Variants in TLL1 observed in about 807,000 individuals in gnomAD.
The protein encoded by TLL1 is tolloid-like protein 1.
In TLL1, 49 loss-of-function variants were observed where a neutral mutation model predicts 128.2. That is an observed-to-expected ratio of 0.38 (90% CI 0.30 to 0.48). The LOEUF (loss-of-function observed/expected upper bound fraction) is 0.48, where lower values mean the gene tolerates loss of function less well. TLL1 is among the 20% of genes least tolerant of loss of function. TLL1 has a pLI of 0.96. For synonymous variants in TLL1, 454 were observed against 418.8 expected, an observed-to-expected ratio of 1.08 and a Z score of -1.03; for missense variants, 1,123 against 1,242.0, an observed-to-expected ratio of 0.90 and a Z score of 1.44.
chr4:166,091,084 G>A (rs1553969381), intron 18 of TLL1, 44 bp from the exon 19 acceptor site: 2 of 1,421,504 alleles, frequency 1.4e-6, no homozygotes, highest in Non-Finnish European at 9.4e-7. Context: ...CATTTTGAGT[G>A]ATTTGTTTTT....
intron 19 of TLL1, among the ~76,000 whole-genome samples, chr4:166,096,142 T>C (rs909302349): frequency 2.0e-5 from 3 of 151,180 alleles, no homozygotes; most frequent in African/African-American, 7.4e-5. Flanking sequence ...CACACCTCTT[T>C]TGCATATAGC....
intron 18 of TLL1, among the ~76,000 whole-genome samples, chr4:166,082,263 A>C (rs1440132635): frequency 6.6e-6 from 1 of 152,154 alleles, no homozygotes; most frequent in African/African-American, 2.4e-5. Context: ...ATCCTATCCC[A>C]TGGATCATAT....
In TLL1 at chr4:166,057,313, T is replaced by A; in HGVS notation, c.1846+4T>A. The stretch of plus-strand genomic sequence containing the variant: ...CCAGACAGAAGGAGCTGTGAAGGTA[T>A]GACTGCACTCCTTCCTGGACCCCCA... On this transcript the variant is annotated splice_donor_region_variant and intron_variant, in intron 14 of 20. Transcript: ENST00000061240. 1 of 1,613,782 alleles carries A rather than the reference T, an allele frequency of 6.2e-7. No individual in the cohort carries two copies. The highest frequency in any genetic ancestry group is 1.1e-5 in the South Asian group (1 of 91,070).
intron 16 of TLL1, among the ~76,000 whole-genome samples, chr4:166,070,306 T>C (rs994866437): frequency 6.6e-6 from 1 of 151,910 alleles, no homozygotes; most frequent in East Asian, 1.9e-4. Flanking sequence ...GAGTTGAGCA[T>C]AACAGAAATA....
chr4:166,052,965 G>GTGTATGTATATATATATATATATATA, intron 12 of TLL1, among the ~76,000 whole-genome samples: 2 of 99,646 alleles, frequency 2.0e-5, no homozygotes, highest in Non-Finnish European at 4.3e-5. Context: ...GAGGTTATGT[G>GTGTATGTATATATATATATATATATA]TATATATATA....
intron 16 of TLL1, among the ~76,000 whole-genome samples, chr4:166,067,809 A>G (rs1286381652): frequency 6.6e-6 from 1 of 151,772 alleles, no homozygotes; most frequent in Non-Finnish European, 1.5e-5. Flanking sequence ...GTTTCATTTC[A>G]TATTGTTATA....
At position 165,903,848 on chromosome 4, in the gene TLL1, C is replaced by G. The variant is rs1010003873; in HGVS notation, c.169+29775C>G. On this transcript the variant is annotated intron_variant, in intron 1 of 20. Transcript: ENST00000061240. ...GCACATATTGTGGTATAATCTATGGCATAGGTTTCATGGGTGGATGCTTAC... is the reference window on the plus strand; with the variant it reads ...GCACATATTGTGGTATAATCTATGGGATAGGTTTCATGGGTGGATGCTTAC... Among the ~76,000 whole-genome samples, 16 of 151,926 alleles carry G rather than the reference C, an allele frequency of 1.1e-4. 1 individual carries two copies. Among genetic ancestry groups the G allele is most frequent in the African/African-American group, 3.9e-4 (16 of 41,446 alleles).
chr4:165,976,767 C>A (rs1266226828), intron 1 of TLL1, among the ~76,000 whole-genome samples: 1 of 152,188 alleles, frequency 6.6e-6, no homozygotes, highest in African/African-American at 2.4e-5. Flanking sequence ...GATAGAGGTT[C>A]TTTACATGGA....
chr4:165,960,157 A>G (rs75877777), intron 1 of TLL1, among the ~76,000 whole-genome samples: 1,892 of 152,194 alleles, frequency 0.012, 40 homozygotes, highest in African/African-American at 0.044. Flanking sequence ...ATATTACAGC[A>G]GATCCCACGG....
chr4:166,060,984 G>C (rs1392226635), intron 15 of TLL1, among the ~76,000 whole-genome samples: 1 of 151,896 alleles, frequency 6.6e-6, no homozygotes, highest in Non-Finnish European at 1.5e-5. Context: ...TCCCAACAAC[G>C]TTTTTAACGT....
intron 1 of TLL1, among the ~76,000 whole-genome samples, chr4:165,972,643 A>G: frequency 6.6e-6 from 1 of 152,218 alleles, no homozygotes; most frequent in African/African-American, 2.4e-5. Flanking sequence ...TAACTATCTC[A>G]TAACTCTCTA....
intron 9 of TLL1, among the ~76,000 whole-genome samples, chr4:166,036,507 C>T (rs1342773823): frequency 6.6e-6 from 1 of 152,060 alleles, no homozygotes; most frequent in Non-Finnish European, 1.5e-5. Flanking sequence ...CGTAAAATAA[C>T]ATAATGTAAA....
chr4:165,996,245 T>A (rs1232478687), intron 5 of TLL1, among the ~76,000 whole-genome samples: 1 of 152,150 alleles, frequency 6.6e-6, no homozygotes, highest in East Asian at 1.9e-4. Flanking sequence ...TTAAGTTACC[T>A]CTGTGTCCCT....
intron 1 of TLL1, among the ~76,000 whole-genome samples, chr4:165,901,557 G>A (rs1442432936): frequency 6.6e-6 from 1 of 152,216 alleles, no homozygotes; most frequent in Admixed American, 6.5e-5. Context: ...CTGTTTGCCT[G>A]AGTATCACTA....
At chr4:166,030,794 T>G (rs1287103290) in intron 9 of TLL1, 11 of 1,076,040 alleles carry the variant, frequency 1.0e-5, no homozygotes, top group Non-Finnish European at 1.2e-5. Context: ...ATGGCTTATT[T>G]TGGTCCTGCC....
chr4:165,906,037 A>G (rs77170217), intron 1 of TLL1, among the ~76,000 whole-genome samples: 6,826 of 152,202 alleles, frequency 0.045, 500 homozygotes, highest in African/African-American at 0.15. Flanking sequence ...TCAGCAAACT[A>G]AGGCCCGATG....
At chr4:165,977,445 A>G (rs930133000) in intron 1 of TLL1, among the ~76,000 whole-genome samples, 6 of 151,994 alleles carry the variant, frequency 3.9e-5, no homozygotes, top group Admixed American at 6.5e-5. Flanking sequence ...TGGATCAGTG[A>G]GTCAATCAAA....
intron 17 of TLL1, among the ~76,000 whole-genome samples, chr4:166,077,464 C>T (rs1741087565): frequency 6.6e-6 from 1 of 151,984 alleles, no homozygotes; most frequent in Non-Finnish European, 1.5e-5. Context: ...TCATAAGGTG[C>T]CTTAATGATA....
chr4:165,873,586 G>A lies in TLL1; in HGVS notation c.-319G>A, dbSNP rs1730587274. 4.7e-6 allele frequency: 1 copy of A among 211,618 alleles called. No individual in the cohort carries two copies. Among genetic ancestry groups the A allele is most frequent in the Non-Finnish European group, 9.3e-6 (1 of 107,012 alleles). 13.1% of individuals were successfully genotyped at this position (211,618 alleles called of 1,614,324 possible). ...CGGCAGCCAGAAGGACGACCTGGCA[G>A]GCTGCGAGCGCCAGCGCCGCCAGAG... On this transcript the variant is annotated 5_prime_UTR_variant, in exon 1 of 21. Transcript: ENST00000061240.
Sources: gnomAD v4.1 joint callset for allele counts (sites outside exome capture counted in the v4.1 genomes callset) on GRCh38, gnomAD v4.1.1 for gene constraint, MANE v1.5 for transcripts, NCBI Gene and HGNC (gene_info 2026-07-23, HGNC 2026-07-21) for gene names.